Variants in MARK3 observed in about 807,000 individuals in gnomAD.
MARK3 encodes MAP/microtubule affinity-regulating kinase 3.
In MARK3, 46 loss-of-function variants were observed where a neutral mutation model predicts 90.1. The ratio of observed to expected loss-of-function variants is 0.51; its 90% CI spans 0.40 to 0.65. MARK3 has a LOEUF of 0.65. Ranked by LOEUF, MARK3 falls within the 30% of genes least tolerant of loss-of-function variation. The pLI is 0.00. For synonymous variants in MARK3, 321 were observed against 332.6 expected (o/e 0.97, Z 0.38); for missense variants, 818 against 947.2 (o/e 0.86, Z 1.79).
chr14:103,465,703 T>C lies in MARK3; in HGVS notation c.687T>C (p.Tyr229=), dbSNP rs749901540. The change falls in exon 8 of 18, where the codon TAT becomes TAC. Residue 229 remains tyrosine, a synonymous_variant. Transcript: ENST00000429436. ...AAPELFQGKK[Y]DGPEVDVWSL... is the part of the protein sequence containing the mutation. ...CTGAGCTCTTCCAGGGCAAGAAATATGACGGGCCAGAAGTGGATGTGTGGA... is the reference window on the plus strand; with the variant it reads ...CTGAGCTCTTCCAGGGCAAGAAATACGACGGGCCAGAAGTGGATGTGTGGA... 22 of 1,614,044 alleles carry C rather than the reference T, an allele frequency of 1.4e-5. No homozygotes were observed. The highest frequency in any genetic ancestry group is 6.7e-5 in the East Asian group (3 of 44,904).
chr14:103,466,243 G>A, intron 9 of MARK3, 100 bp from the exon 10 acceptor site: 2 of 1,306,008 alleles, frequency 1.5e-6, no homozygotes, highest in East Asian at 2.4e-5. Context: ...TTTATGCTTT[G>A]AACGATAGTC....
chr14:103,490,963 T>A, intron 14 of MARK3: 8 of 1,274,880 alleles, frequency 6.3e-6, no homozygotes, highest in Non-Finnish European at 8.2e-6. Context: ...CTGACAGAAA[T>A]GTTCGCTTAC....
At chr14:103,491,105 TATGTAAGAAAA>T in intron 14 of MARK3, 9 of 1,253,696 alleles carry the variant, frequency 7.2e-6, no homozygotes, top group Non-Finnish European at 9.3e-6. Context: ...ACTTCAAGGC[TATGTAAGAAAA>T]ATGCACATTC....
At chr14:103,499,948 G>A (rs796774179) in intron 16 of MARK3, 8 of 588,884 alleles carry the variant, frequency 1.4e-5, no homozygotes, top group South Asian at 1.1e-4. Flanking sequence ...GCTGGCCCCT[G>A]TGCACACCCC....
At chr14:103,467,861 G>A (rs927567680) in intron 11 of MARK3, 172 bp from the exon 12 acceptor site, 20 of 521,892 alleles carry the variant, frequency 3.8e-5, no homozygotes, top group African/African-American at 1.4e-4. Context: ...CTTTCCAGCC[G>A]TCAGAAAACT....
At chr14:103,448,343 G>A (rs2093046428) in intron 3 of MARK3, among the ~76,000 whole-genome samples, 1 of 152,066 alleles carries the variant, frequency 6.6e-6, no homozygotes, top group African/African-American at 2.4e-5. Context: ...TATGAAGGGG[G>A]CACTCCACAA....
At chr14:103,435,127 G>C (rs980539381) in intron 3 of MARK3, among the ~76,000 whole-genome samples, 1 of 152,198 alleles carries the variant, frequency 6.6e-6, no homozygotes, top group Non-Finnish European at 1.5e-5. Context: ...GGTCTGTCGT[G>C]TAATGACTTT....
chr14:103,456,212 T>C lies in MARK3; in HGVS notation c.413-930T>C, dbSNP rs547480556. On this transcript the variant is annotated intron_variant, in intron 5 of 17. Coordinates refer to ENST00000429436, the MANE Select transcript of MARK3 (RefSeq NM_001128918.3). ...GCTTCCCACTCTAGTCCCCGTCACT[T>C]TCATGATTGGTTTGATTATTGTACT... 2.5e-4 allele frequency among the ~76,000 whole-genome samples: 38 copies of C among 152,316 alleles called. No individual in the cohort carries two copies. In the South Asian group the frequency reaches 7.7e-3, roughly 31 times the overall value.
chr14:103,385,852 C>T lies in MARK3; in HGVS notation c.-178C>T. On this transcript the variant is annotated 5_prime_UTR_variant, in exon 1 of 18. Coordinates refer to ENST00000429436, the MANE Select transcript of MARK3 (RefSeq NM_001128918.3). ...CAGGGAGAGAATGAGCCCCGGGACC[C>T]GCCGGGGGACGGCCCGGGCCAGGCC... 5.6e-6 allele frequency: 3 copies of T among 534,008 alleles called. No homozygotes were observed. Among genetic ancestry groups the T allele is most frequent in the Non-Finnish European group, 9.9e-6 (3 of 302,362 alleles). 33.1% of individuals were successfully genotyped at this position (534,008 alleles called of 1,614,324 possible).
intron 3 of MARK3, among the ~76,000 whole-genome samples, chr14:103,447,389 G>A (rs1370642730): frequency 2.0e-5 from 3 of 152,196 alleles, no homozygotes; most frequent in African/African-American, 7.2e-5. Flanking sequence ...CAGTGGACAA[G>A]GACAAGTATG....
Position 103,494,675 on chromosome 14 carries a change from C to T in MARK3, c.1844+2641C>T, listed in dbSNP as rs141255364. ...TTTTCCCCACAGAGTCTCACTTTAT[C>T]GCCCAGGCTGGAGTGCAGTGGCATG... On this transcript the variant is annotated intron_variant, in intron 15 of 17. Transcript: ENST00000429436. 2.7e-3 allele frequency among the ~76,000 whole-genome samples: 416 copies of T among 151,700 alleles called. 17 individuals carry two copies. In the East Asian group the frequency reaches 0.071, roughly 26 times the overall value.
chr14:103,445,424 A>G (rs575182071), intron 3 of MARK3, among the ~76,000 whole-genome samples: 3 of 152,332 alleles, frequency 2.0e-5, no homozygotes, highest in South Asian at 2.1e-4. Context: ...GCCTGCCAGT[A>G]TCTACCTAAT....
At chr14:103,441,352 T>C (rs2141207654) in intron 3 of MARK3, 1 of 152,384 alleles carries the variant, frequency 6.6e-6, no homozygotes, top group South Asian at 2.1e-4. Context: ...TGGCACGATC[T>C]CGGCTCACTG....
chr14:103,440,566 C>T (rs1302392266), intron 3 of MARK3, among the ~76,000 whole-genome samples: 1 of 152,142 alleles, frequency 6.6e-6, no homozygotes, highest in African/African-American at 2.4e-5. Context: ...CGCCACTGCA[C>T]TCCAGCCTGG....
intron 1 of MARK3, among the ~76,000 whole-genome samples, chr14:103,400,270 C>CCTA (rs2090872885): frequency 6.6e-6 from 1 of 152,110 alleles, no homozygotes. Flanking sequence ...ACCCCTACCC[C>CCTA]CTACTACATT....
intron 3 of MARK3, among the ~76,000 whole-genome samples, chr14:103,443,800 A>G (rs994293832): frequency 6.6e-6 from 1 of 152,158 alleles, no homozygotes; most frequent in African/African-American, 2.4e-5. Context: ...CATTTTCTTG[A>G]AAATTCCTTC....
At chr14:103,469,561 C>G (rs2093585800) in intron 12 of MARK3, among the ~76,000 whole-genome samples, 1 of 152,060 alleles carries the variant, frequency 6.6e-6, no homozygotes, top group South Asian at 2.1e-4. Context: ...TCTCCGCTCA[C>G]TGCAACCTCA....
chr14:103,497,904 A>G (rs949144862), intron 15 of MARK3, among the ~76,000 whole-genome samples: 1 of 152,242 alleles, frequency 6.6e-6, no homozygotes, highest in Non-Finnish European at 1.5e-5. Flanking sequence ...TCTTTAACAT[A>G]AGACATAAAT....
At position 103,452,118 on chromosome 14, in the gene MARK3, G is replaced by A. The variant is rs1229861771; in HGVS notation, c.412+135G>A. On this transcript the variant is annotated intron_variant, in intron 5 of 17. Coordinates refer to ENST00000429436, the MANE Select transcript of MARK3 (RefSeq NM_001128918.3). ...GCCATAATACGCTAGGATGAGAGTC[G>A]GAAAAGCTGACTCTTAGCACTTCTA... 8 of 561,098 alleles carry A rather than the reference G, an allele frequency of 1.4e-5. No homozygotes were observed. In the East Asian group the frequency reaches 1.5e-4, roughly 11 times the overall value. 34.8% of individuals were successfully genotyped at this position (561,098 alleles called of 1,614,324 possible).
Sources: allele counts gnomAD v4.1 joint callset (sites outside exome capture counted in the v4.1 genomes callset), GRCh38; gene constraint gnomAD v4.1.1; transcripts MANE v1.5; gene names NCBI Gene and HGNC (gene_info 2026-07-23, HGNC 2026-07-21).